LUZP2: variants seen among roughly 807,000 people sequenced by gnomAD.
LUZP2 encodes leucine zipper protein 2.
Under a neutral mutation model 51.6 loss-of-function variants are expected in LUZP2, and 52 were observed. The observed-to-expected ratio is 1.01, with a 90% CI of 0.81 to 1.27. The LOEUF is 1.27. Ranked by LOEUF, LUZP2 falls within the 50% of genes most tolerant of loss-of-function variation. LUZP2 has a pLI of 0.00. For synonymous variants in LUZP2, 154 were observed against 137.3 expected, an observed-to-expected ratio of 1.12 and a Z score of -0.85; for missense variants, 436 against 395.4, an observed-to-expected ratio of 1.10 and a Z score of -0.87.
intron 3 of LUZP2, among the ~76,000 whole-genome samples, chr11:24,735,196 A>C (rs970931): frequency 1.3e-5 from 2 of 151,630 alleles, no homozygotes; most frequent in African/African-American, 4.8e-5. Flanking sequence ...GTGTGTTTGC[A>C]TGTATGCACT....
chr11:24,863,595 G>C (rs886719379), intron 5 of LUZP2, among the ~76,000 whole-genome samples: 1 of 151,494 alleles, frequency 6.6e-6, no homozygotes, highest in African/African-American at 2.4e-5. Context: ...GATTTTTTGG[G>C]GGGAAGCGGT....
At chr11:24,962,344 A>G (rs1449156178) in intron 7 of LUZP2, among the ~76,000 whole-genome samples, 1 of 152,184 alleles carries the variant, frequency 6.6e-6, no homozygotes, top group Non-Finnish European at 1.5e-5. Context: ...CTCCTGGATA[A>G]TATCCTGCAG....
At chr11:25,048,972 A>G (rs1221410572) in intron 9 of LUZP2, among the ~76,000 whole-genome samples, 1 of 151,822 alleles carries the variant, frequency 6.6e-6, no homozygotes, top group African/African-American at 2.4e-5. Flanking sequence ...TCTTTTTTAC[A>G]TTTAATATTC....
chr11:24,999,394 G>A (rs1390756319), intron 9 of LUZP2, among the ~76,000 whole-genome samples: 1 of 138,004 alleles, frequency 7.2e-6, no homozygotes, highest in Non-Finnish European at 1.6e-5. Flanking sequence ...CAGGAAGATG[G>A]GGAGGAGGAG....
At chr11:24,517,312 C>T (rs1024207194) in intron 1 of LUZP2, among the ~76,000 whole-genome samples, 19 of 151,228 alleles carry the variant, frequency 1.3e-4, no homozygotes, top group Admixed American at 9.2e-4. Context: ...AGTGAAACCC[C>T]GTCTCTACTA....
rs185376086 is a variant in LUZP2 at position 24,691,645 on chromosome 11, T to C, written c.63-37524T>C. On this transcript the variant is annotated intron_variant, in intron 1 of 11. Transcript: ENST00000336930. ...GAATAAGATATTTTTATGAGAACAA[T>C]GTTATGAATAAATAAGAAAAAGAGC... is the stretch of plus-strand genomic sequence containing the variant. Among the ~76,000 whole-genome samples the C allele has an allele frequency of 2.0e-5, 3 of 152,112 alleles. No homozygotes were observed. The East Asian group carries it at 5.8e-4, about 29-fold the overall frequency.
chr11:24,815,181 C>T (rs1489458682), intron 5 of LUZP2, among the ~76,000 whole-genome samples: 1 of 152,078 alleles, frequency 6.6e-6, no homozygotes, highest in East Asian at 1.9e-4. Flanking sequence ...CCCCCATACA[C>T]AAATTTTCCT....
At chr11:24,531,218 T>C (rs757358951) in intron 1 of LUZP2, among the ~76,000 whole-genome samples, 9 of 150,576 alleles carry the variant, frequency 6.0e-5, no homozygotes, top group Non-Finnish European at 1.3e-4. Flanking sequence ...AAACAATGTA[T>C]ATTCTGGTAA....
At chr11:24,904,440 G>T (rs1239016594) in intron 5 of LUZP2, among the ~76,000 whole-genome samples, 1 of 151,798 alleles carries the variant, frequency 6.6e-6, no homozygotes, top group Non-Finnish European at 1.5e-5. Context: ...CCACCACCAC[G>T]CCCGGCTAAT....
intron 7 of LUZP2, among the ~76,000 whole-genome samples, chr11:24,939,998 G>T (rs1854697190): frequency 6.6e-6 from 1 of 152,018 alleles, no homozygotes; most frequent in South Asian, 2.1e-4. Flanking sequence ...TGACTGATCA[G>T]CAGGTCCACT....
intron 7 of LUZP2, among the ~76,000 whole-genome samples, chr11:24,917,716 C>T (rs1221345745): frequency 6.6e-6 from 1 of 152,078 alleles, no homozygotes; most frequent in Non-Finnish European, 1.5e-5. Context: ...GTACCAGTAC[C>T]ATGCTGTTTT....
chr11:24,922,885 A>G (rs1854109698), intron 7 of LUZP2, among the ~76,000 whole-genome samples: 3 of 112,978 alleles, frequency 2.7e-5, no homozygotes, highest in South Asian at 6.2e-4. Flanking sequence ...GTCTCGCTCC[A>G]TTGCCCAGGC....
At chr11:24,904,498 TG>T (rs1469907494) in intron 5 of LUZP2, among the ~76,000 whole-genome samples, 5 of 152,258 alleles carry the variant, frequency 3.3e-5, no homozygotes, top group East Asian at 1.9e-4. Flanking sequence ...TTAGCCAGGA[TG>T]GTCTTGATCT....
At chr11:24,634,167 A>G (rs1181700175) in intron 1 of LUZP2, among the ~76,000 whole-genome samples, 2 of 152,078 alleles carry the variant, frequency 1.3e-5, no homozygotes, top group Non-Finnish European at 2.9e-5. Flanking sequence ...TGAGAATTAT[A>G]TGAGTTCATG....
intron 5 of LUZP2, among the ~76,000 whole-genome samples, chr11:24,896,314 G>A (rs1014806362): frequency 6.6e-6 from 1 of 152,142 alleles, no homozygotes; most frequent in African/African-American, 2.4e-5. Context: ...AACCGGGGCT[G>A]TGCAGGGCAA....
intron 1 of LUZP2, among the ~76,000 whole-genome samples, chr11:24,625,067 G>A (rs142098770): frequency 1.3e-4 from 20 of 152,172 alleles, no homozygotes; most frequent in South Asian, 1.2e-3. Flanking sequence ...ACATAATGCC[G>A]AGTGAATTAA....
At chr11:24,858,791 C>T (rs1422194336) in intron 5 of LUZP2, among the ~76,000 whole-genome samples, 3 of 152,178 alleles carry the variant, frequency 2.0e-5, no homozygotes, top group Non-Finnish European at 2.9e-5. Flanking sequence ...CCAACAGCAG[C>T]AACAACAAAT....
At chr11:24,510,339 T>C (rs1016228091) in intron 1 of LUZP2, among the ~76,000 whole-genome samples, 5 of 152,228 alleles carry the variant, frequency 3.3e-5, no homozygotes, top group African/African-American at 1.2e-4. Flanking sequence ...GCCTATGCAA[T>C]GTTTGGCATG....
chr11:24,906,118 T>C (rs1853445827), intron 6 of LUZP2, 65 bp downstream of exon 6: 1 of 1,183,456 alleles, frequency 8.4e-7, no homozygotes, highest in Non-Finnish European at 1.2e-6. Context: ...CAGATTTTTG[T>C]TCAACTCAGA....
Sources: gnomAD v4.1 joint callset for allele counts (sites outside exome capture counted in the v4.1 genomes callset) on GRCh38, gnomAD v4.1.1 for gene constraint, MANE v1.5 for transcripts, NCBI Gene and HGNC (gene_info 2026-07-23, HGNC 2026-07-21) for gene names.